MIOS: variants seen among roughly 807,000 people sequenced by gnomAD.
MIOS encodes meiosis regulator for oocyte development.
Under a neutral mutation model 96.9 loss-of-function variants are expected in MIOS, and 52 were observed. That is an observed-to-expected ratio of 0.54 (90% confidence interval 0.43 to 0.68). The LOEUF (loss-of-function observed/expected upper bound fraction) is 0.68, where lower values mean the gene tolerates loss of function less well. Among genes scored for constraint, MIOS ranks in the 30% least tolerant of loss-of-function variants. The pLI is 0.00. For missense variants in MIOS, 1,005 were observed against 1,052.8 expected, an observed-to-expected ratio of 0.95 and a Z score of 0.63; for synonymous variants, 397 against 359.5, an observed-to-expected ratio of 1.10 and a Z score of -1.18.
chr7:7,567,590 C>G lies in MIOS; in HGVS notation c.-220-17C>G, dbSNP rs867502194. ...AATAGGTTAGCAAATGACTGCAGGC[C>G]TTTTGTATATTTTAAGGGAAATTTG... On this transcript the variant is annotated splice_polypyrimidine_tract_variant and intron_variant, in intron 1 of 12. Coordinates refer to ENST00000340080, the MANE Select transcript of MIOS (RefSeq NM_019005.4). 2 of 152,150 alleles carry G rather than the reference C, an allele frequency of 1.3e-5. No individual in the cohort carries two copies. Among genetic ancestry groups the G allele is most frequent in the Non-Finnish European group, 2.9e-5 (2 of 68,032 alleles). 9.4% of individuals were successfully genotyped at this position (152,150 alleles called of 1,614,324 possible). A position where few individuals can be genotyped will look rare whatever the true frequency, so the allele number is the denominator to read the frequency against.
Position 7,589,424 on chromosome 7 carries a change from A to C in MIOS, c.1904A>C (p.Lys635Thr), listed in dbSNP as rs767496392. 6.2e-7 allele frequency: 1 copy of C among 1,613,542 alleles called. No individual in the cohort carries two copies. The highest frequency in any genetic ancestry group is 8.5e-7 in the Non-Finnish European group (1 of 1,179,618). ...SDTQLNRYIE[K>T]LTNEMKEAGN... Reference sequence around the variant, plus strand: ...TTCCAGTTAAATAGATACATCGAAAAGTTGACCAATGAAATGAAAGAGGCT... The same window carrying C: ...TTCCAGTTAAATAGATACATCGAAACGTTGACCAATGAAATGAAAGAGGCT... Residue 635 changes from lysine (K) to threonine (T), a missense_variant, in exon 9 of 13, where the codon AAG (lysine) becomes ACG (threonine). By Grantham distance (78) the Lys-to-Thr change is moderately conservative. This residue lies in a region of MIOS where 865 missense variants were observed against 887.9 expected (regional missense o/e 0.97). Transcript: ENST00000340080.
intron 9 of MIOS, among the ~76,000 whole-genome samples, chr7:7,593,894 AAGAAAAAGAAAAG>A (rs1212498998): frequency 2.1e-5 from 2 of 95,704 alleles, no homozygotes; most frequent in Admixed American, 1.8e-4. Context: ...AAAAAAAAAA[AAGAAAAAGAAAAG>A]AAAAAAAGAA....
chr7:7,579,518 G>T (rs1056851913), intron 5 of MIOS, among the ~76,000 whole-genome samples: 9 of 152,144 alleles, frequency 5.9e-5, no homozygotes, highest in African/African-American at 1.9e-4. Context: ...CATTGTGTTA[G>T]AGTTGCCTGC....
At chr7:7,569,587 T>C (rs1285496230) in intron 3 of MIOS, among the ~76,000 whole-genome samples, 1 of 152,248 alleles carries the variant, frequency 6.6e-6, no homozygotes, top group Non-Finnish European at 1.5e-5. Flanking sequence ...ATTAACTTCC[T>C]ACTAAGTGCC....
In MIOS at chr7:7,589,698, C is replaced by G. The variant is rs73340625; in HGVS notation, c.2043+135C>G. ...TTTAGTTTTAACCTAATCAGTTGATCTACTGAAGACTTGTGCCTTATCTTA... is the reference window on the plus strand; with the variant it reads ...TTTAGTTTTAACCTAATCAGTTGATGTACTGAAGACTTGTGCCTTATCTTA... On this transcript the variant is annotated intron_variant, in intron 9 of 12. Coordinates refer to ENST00000340080, the MANE Select transcript of MIOS (RefSeq NM_019005.4). The G allele has an allele frequency of 2.8e-4, 245 of 877,810 alleles. 1 individual carries two copies. In the African/African-American group the frequency reaches 4.0e-3, roughly 14 times the overall value. The allele number at this position is 877,810 out of a possible 1,614,324, so 54.4% of individuals were successfully genotyped here. A position where few individuals can be genotyped will look rare whatever the true frequency, so the allele number is the denominator to read the frequency against.
In MIOS at chr7:7,572,514, C is replaced by G; in HGVS notation, c.39C>G (p.His13Gln). 6.2e-7 allele frequency: 1 copy of G among 1,613,876 alleles called. No homozygotes were observed. Among genetic ancestry groups the G allele is most frequent in the South Asian group, 1.1e-5 (1 of 91,058 alleles). ...AACCTGATATTTTATGGGCACCACA[C>G]CATGTTGATAGATTTGTTGTGTGTG... ...GTKPDILWAP[H>Q]HVDRFVVCDS... The change falls in exon 4 of 13, where the codon CAC (histidine) becomes CAG (glutamine). Residue 13 changes from histidine (H) to glutamine (Q), a missense_variant. This residue lies in a region of MIOS where 137 missense variants were observed against 148.6 expected (regional missense o/e 0.92). Coordinates refer to ENST00000340080, the MANE Select transcript of MIOS (RefSeq NM_019005.4). This position sits in a 1 kb window ranked among gnomAD's most constrained non-coding sequence, Gnocchi z 4.8.
chr7:7,603,556 G>A (rs1187236033), intron 11 of MIOS, among the ~76,000 whole-genome samples: 1 of 152,138 alleles, frequency 6.6e-6, no homozygotes, highest in African/African-American at 2.4e-5. Context: ...AAAAAGTCAG[G>A]AAACAACAGG....
chr7:7,586,713 A>C (rs1168855556), intron 7 of MIOS, among the ~76,000 whole-genome samples: 1 of 152,194 alleles, frequency 6.6e-6, no homozygotes, highest in Non-Finnish European at 1.5e-5. Context: ...ATTACTTTTA[A>C]TAAATTACTA....
Position 7,583,890 on chromosome 7 carries a change from G to A in MIOS, c.1648+518G>A, listed in dbSNP as rs141095550. Among the ~76,000 whole-genome samples the A allele has an allele frequency of 4.9e-3, 752 of 152,182 alleles. 9 individuals are homozygous for A. The highest frequency in any genetic ancestry group is 0.016 in the African/African-American group (683 of 41,552). ...TCTTGAATCTGGTGATTAAAATACAGTTTTCATTTAGTATTTTTTAAAAAG... is the reference window on the plus strand; with the variant it reads ...TCTTGAATCTGGTGATTAAAATACAATTTTCATTTAGTATTTTTTAAAAAG... On this transcript the variant is annotated intron_variant, in intron 6 of 12. Coordinates refer to ENST00000340080, the MANE Select transcript of MIOS (RefSeq NM_019005.4).
At chr7:7,593,433 G>A (rs950033471) in intron 9 of MIOS, among the ~76,000 whole-genome samples, 11 of 151,726 alleles carry the variant, frequency 7.2e-5, no homozygotes, top group African/African-American at 2.2e-4. Flanking sequence ...TAAGATATAC[G>A]CCAGGTTCTC....
intron 11 of MIOS, chr7:7,605,163 T>G (rs1360772686): frequency 6.6e-6 from 1 of 152,184 alleles, no homozygotes; most frequent in Non-Finnish European, 1.5e-5. Context: ...TAGATAGCAA[T>G]TAAGTAAAAA....
At chr7:7,593,530 G>C (rs1784108242) in intron 9 of MIOS, among the ~76,000 whole-genome samples, 1 of 152,074 alleles carries the variant, frequency 6.6e-6, no homozygotes, top group Non-Finnish European at 1.5e-5. Context: ...TGGAAGTAGA[G>C]ACTTTCTCTC....
chr7:7,581,572 G>T (rs1361243042), intron 5 of MIOS, among the ~76,000 whole-genome samples: 2 of 152,136 alleles, frequency 1.3e-5, no homozygotes, highest in African/African-American at 4.8e-5. Flanking sequence ...TTTATTTCTA[G>T]AGGTTGGAGT....
intron 11 of MIOS, among the ~76,000 whole-genome samples, chr7:7,600,332 C>T (rs550885141): frequency 6.6e-5 from 10 of 151,988 alleles, no homozygotes; most frequent in East Asian, 5.8e-4. Context: ...ACCCGTCTCA[C>T]GTGCAGAGAC....
At chr7:7,589,628 G>T in intron 9 of MIOS, 65 bp downstream of exon 9, 1 of 1,518,432 alleles carries the variant, frequency 6.6e-7, no homozygotes, top group East Asian at 2.3e-5. Context: ...TTCCTCAGTT[G>T]AAAGTAAATA....
At chr7:7,593,244 C>T (rs1255572900) in intron 9 of MIOS, among the ~76,000 whole-genome samples, 1 of 152,076 alleles carries the variant, frequency 6.6e-6, no homozygotes, top group Non-Finnish European at 1.5e-5. Context: ...CTAGAGTAGA[C>T]CTCTACTTTT....
chr7:7,586,687 G>A (rs931082357), intron 7 of MIOS, among the ~76,000 whole-genome samples: 2 of 152,064 alleles, frequency 1.3e-5, no homozygotes, highest in Admixed American at 6.5e-5. Context: ...TGTGTATTTT[G>A]CACTTTATGT....
intron 11 of MIOS, 90 bp from the exon 12 acceptor site, chr7:7,605,852 T>G (rs1265835954): frequency 7.6e-7 from 1 of 1,309,208 alleles, no homozygotes; most frequent in East Asian, 2.6e-5. Context: ...TGATTCATAT[T>G]TGGAACACAG....
chr7:7,595,319 T>C (rs1034572476), intron 10 of MIOS, among the ~76,000 whole-genome samples, 187 bp downstream of exon 10: 2 of 152,238 alleles, frequency 1.3e-5, no homozygotes, highest in African/African-American at 4.8e-5. Context: ...TCTCAGTGGC[T>C]TGAGCTTTAG....
Sources: allele counts gnomAD v4.1 joint callset (sites outside exome capture counted in the v4.1 genomes callset), GRCh38; gene constraint gnomAD v4.1.1; regional missense constraint gnomAD v4.1.1; non-coding constraint Gnocchi (gnomAD v3.1); transcripts MANE v1.5; gene names NCBI Gene and HGNC (gene_info 2026-07-23, HGNC 2026-07-21).